The following VCAN variants were observed in gnomAD, a reference collection of about 807,000 sequenced individuals.
The protein encoded by VCAN is versican.
In VCAN, 44 loss-of-function variants were observed where a neutral mutation model predicts 245.5. The observed-to-expected ratio is 0.18, with a 90% confidence interval of 0.14 to 0.23. The LOEUF is 0.23. VCAN is among the 10% of genes least tolerant of loss of function. VCAN has a pLI of 1.00. For synonymous variants in VCAN, 1,413 were observed against 1,437.0 expected (o/e 0.98, Z 0.38); for missense variants, 3,793 against 4,057.9 (o/e 0.93, Z 1.77).
chr5:83,502,073 AT>A (rs1380315196), intron 5 of VCAN, among the ~76,000 whole-genome samples: 5 of 152,122 alleles, frequency 3.3e-5, no homozygotes, highest in South Asian at 4.2e-4. Context: ...AATTTTCTTA[AT>A]TTTTTTGATT....
intron 2 of VCAN, among the ~76,000 whole-genome samples, chr5:83,486,912 G>C (rs975352481): frequency 1.3e-5 from 2 of 152,172 alleles, no homozygotes; most frequent in Non-Finnish European, 2.9e-5. Context: ...GTAACTTGTT[G>C]AGTCAAGACA....
At chr5:83,548,428 T>C (rs1402323969) in intron 10 of VCAN, among the ~76,000 whole-genome samples, 1 of 152,198 alleles carries the variant, frequency 6.6e-6, no homozygotes, top group Admixed American at 6.5e-5. Flanking sequence ...TATTTTCTCC[T>C]CCTAAGCACT....
Position 83,522,254 on chromosome 5 carries a change from A to G in VCAN, c.3948A>G (p.Thr1316=). The G allele has an allele frequency of 6.2e-7, 1 of 1,600,108 alleles. No individual in the cohort carries two copies. Among genetic ancestry groups the G allele is most frequent in the Non-Finnish European group, 8.5e-7 (1 of 1,179,812 alleles). The change falls in exon 7 of 15, where the codon ACA becomes ACG. Residue 1316 remains threonine (T), a synonymous_variant. Coordinates refer to ENST00000265077, the MANE Select transcript of VCAN (RefSeq NM_004385.5). ...ALSTPQPPAS[T]KFHPDINVYI... ...CTACGCCACAGCCCCCAGCAAGCACAAAATTTCACCCTGACATTAATGTTT... is the reference window on the plus strand; with the variant it reads ...CTACGCCACAGCCCCCAGCAAGCACGAAATTTCACCCTGACATTAATGTTT...
rs567344018 is a variant in VCAN at position 83,517,909 on chromosome 5, C to CA, written c.1043-1434dup. The stretch of plus-strand genomic sequence containing the variant: ...ACAACTAATAACAGCTCGTGCCAGA[C>CA]AAAAAATAAGGAACCTGTTACAGCC... On this transcript the variant is annotated intron_variant, in intron 6 of 14. Coordinates refer to ENST00000265077, the MANE Select transcript of VCAN (RefSeq NM_004385.5). 1.4e-3 allele frequency among the ~76,000 whole-genome samples: 219 copies of CA among 152,074 alleles called. 1 individual carries two copies. The highest frequency in any genetic ancestry group is 0.013 in the Admixed American group (202 of 15,278).
At chr5:83,506,708 A>G (rs1745492972) in intron 5 of VCAN, among the ~76,000 whole-genome samples, 1 of 152,140 alleles carries the variant, frequency 6.6e-6, no homozygotes. Flanking sequence ...GTACCAATTT[A>G]CTGTATTAGT....
chr5:83,540,024 G>A lies in VCAN; in HGVS notation c.7021G>A (p.Ala2341Thr), dbSNP rs1248597388. ...TLIEILSDTG[A>T]EGPTVAPLPF... is the part of the protein sequence containing the mutation. ...AATAGAAATTTTAAGTGACACTGGA[G>A]CAGAAGGACCCACGGTGGCACCTCT... is the stretch of plus-strand genomic sequence containing the variant. Residue 2341 changes from alanine (A) to threonine (T), a missense_variant, in exon 8 of 15, where the codon GCA becomes ACA. By Grantham distance (58) the Ala-to-Thr change is moderately conservative. Transcript: ENST00000265077. The A allele has an allele frequency of 1.2e-6, 2 of 1,613,968 alleles. No individual in the cohort carries two copies. The highest frequency in any genetic ancestry group is 3.3e-5 in the Admixed American group (2 of 59,968).
intron 12 of VCAN, among the ~76,000 whole-genome samples, chr5:83,570,649 C>T (rs1322211949): frequency 1.3e-5 from 2 of 151,700 alleles, no homozygotes; most frequent in Non-Finnish European, 2.9e-5. Flanking sequence ...TTTTATTGTG[C>T]CAAGTATTAG....
chr5:83,547,434 A>G (rs1747270872), intron 9 of VCAN, among the ~76,000 whole-genome samples: 1 of 152,302 alleles, frequency 6.6e-6, no homozygotes, highest in Admixed American at 6.5e-5. Flanking sequence ...ATTGGGATCC[A>G]TGGAATGTTT....
rs1168751910 is a variant in VCAN, at chr5:83,540,316, T to C, written c.7313T>C (p.Ile2438Thr). The stretch of plus-strand genomic sequence containing the variant: ...GGAGAAGGATCTGGAGAAGTGGATA[T>C]TGTTGATTCATTTCACACTTCTGCA... The part of the protein sequence containing the change: ...PSGEGSGEVD[I>T]VDSFHTSATT... The change falls in exon 8 of 15, where the codon ATT becomes ACT. Residue 2438 changes from isoleucine to threonine, a missense_variant. Physicochemically the swap from Ile to Thr is moderately conservative, Grantham distance 89. Around this residue, in one of 5 missense-constraint regions of VCAN, gnomAD observed 3,182 missense variants for 3,250.3 expected, o/e 0.98. Transcript: ENST00000265077. 6.2e-7 allele frequency: 1 copy of C among 1,614,114 alleles called. No homozygotes were observed.
intron 8 of VCAN, 30 bp downstream of exon 8, chr5:83,542,298 C>A (rs202086227): frequency 6.2e-7 from 1 of 1,602,900 alleles, no homozygotes; most frequent in Non-Finnish European, 8.5e-7. Flanking sequence ...AAATCTGTTT[C>A]CAAACCTGGA....
chr5:83,507,895 T>C (rs1348862263), intron 5 of VCAN, among the ~76,000 whole-genome samples: 1 of 152,210 alleles, frequency 6.6e-6, no homozygotes, highest in Non-Finnish European at 1.5e-5. Flanking sequence ...AGTGTAGAAA[T>C]GGACAATGTT....
chr5:83,572,903 T>C (rs919114794), intron 13 of VCAN, among the ~76,000 whole-genome samples: 26 of 148,120 alleles, frequency 1.8e-4, no homozygotes, highest in Non-Finnish European at 2.5e-4. Context: ...ATTTATTTAT[T>C]ATTATTATTG....
intron 1 of VCAN, among the ~76,000 whole-genome samples, chr5:83,478,053 C>T (rs1744462998): frequency 6.6e-6 from 1 of 151,736 alleles, no homozygotes; most frequent in African/African-American, 2.4e-5. Context: ...AGCAATTCTC[C>T]TGTGTCAGCC....
At chr5:83,529,599 A>G (rs2112426161) in intron 7 of VCAN, among the ~76,000 whole-genome samples, 1 of 152,230 alleles carries the variant, frequency 6.6e-6, no homozygotes, top group Middle Eastern at 3.4e-3. Flanking sequence ...CCAATCCCCC[A>G]TGGCTACTGA....
chr5:83,537,744 A>G lies in VCAN; in HGVS notation c.4741A>G (p.Thr1581Ala), dbSNP rs921982984. 5.0e-6 allele frequency: 8 copies of G among 1,613,930 alleles called. No individual in the cohort carries two copies. The African/African-American group carries it at 1.1e-4, about 22-fold the overall frequency. ...AGAGGTAGAAAAAAGTACTTCTGTCACATACACTCCCACTATAGTTCCAAG... is the reference window on the plus strand; with the variant it reads ...AGAGGTAGAAAAAAGTACTTCTGTCGCATACACTCCCACTATAGTTCCAAG... ...GEEVEKSTSV[T>A]YTPTIVPSSA... Residue 1581 changes from threonine (T) to alanine (A), a missense_variant, in exon 8 of 15, where the codon ACA becomes GCA. By Grantham distance (58) the Thr-to-Ala change is moderately conservative. This residue lies in a region of VCAN where 3,182 missense variants were observed against 3,250.3 expected (regional missense o/e 0.98). Coordinates refer to ENST00000265077, the MANE Select transcript of VCAN (RefSeq NM_004385.5).
intron 7 of VCAN, among the ~76,000 whole-genome samples, chr5:83,532,242 T>C (rs4426898): frequency 6.6e-6 from 1 of 151,954 alleles, no homozygotes; most frequent in Non-Finnish European, 1.5e-5. Flanking sequence ...ACGTGTGTGG[T>C]GGGTGGAGGT....
chr5:83,526,257 G>A (rs1032522869), intron 7 of VCAN, among the ~76,000 whole-genome samples: 3 of 151,928 alleles, frequency 2.0e-5, no homozygotes, highest in Non-Finnish European at 4.4e-5. Flanking sequence ...CTTTTTAAAA[G>A]GTAATGTTTA....
intron 11 of VCAN, among the ~76,000 whole-genome samples, chr5:83,554,148 A>G (rs1747576000): frequency 6.6e-6 from 1 of 152,194 alleles, no homozygotes; most frequent in South Asian, 2.1e-4. Flanking sequence ...TTCATGTAGC[A>G]ATATGTAGAA....
Position 83,519,598 on chromosome 5 carries a change from A to G in VCAN, c.1292A>G (p.Lys431Arg), listed in dbSNP as rs761239141. The change falls in exon 7 of 15, where the codon AAG becomes AGG. Residue 431 changes from lysine to arginine, a missense_variant. By Grantham distance (26) the Lys-to-Arg change is conservative. This residue lies in a region of VCAN where 3,182 missense variants were observed against 3,250.3 expected (regional missense o/e 0.98). Transcript: ENST00000265077. ...TTACCCACACCTACTGGCAGTACCA[A>G]GAAGCCCTGGGATATGGATGACTAC... Reference protein sequence around the residue: ...TKLPTPTGSTKKPWDMDDYSP... With the variant: ...TKLPTPTGSTRKPWDMDDYSP... 1.9e-5 allele frequency: 30 copies of G among 1,614,060 alleles called. No homozygotes were observed. Among genetic ancestry groups the G allele is most frequent in the Non-Finnish European group, 2.4e-5 (28 of 1,180,006 alleles).
Sources: allele counts gnomAD v4.1 joint callset (sites outside exome capture counted in the v4.1 genomes callset), GRCh38; gene constraint gnomAD v4.1.1; regional missense constraint gnomAD v4.1.1; transcripts MANE v1.5; gene names NCBI Gene and HGNC (gene_info 2026-07-23, HGNC 2026-07-21).